ATP8A2: variants seen among roughly 807,000 people sequenced by gnomAD.
ATP8A2 encodes phospholipid-transporting ATPase IB.
A neutral mutation model predicts 165.6 loss-of-function variants in ATP8A2; 100 were observed. The ratio of observed to expected loss-of-function variants is 0.60; its 90% CI spans 0.51 to 0.71. The LOEUF (loss-of-function observed/expected upper bound fraction) is 0.71. ATP8A2 is among the 30% of genes least tolerant of loss of function. The pLI, the probability that ATP8A2 is intolerant of heterozygous loss-of-function variation, is 0.00. For missense variants in ATP8A2, 1,227 were observed against 1,479.5 expected (o/e 0.83, Z 2.80); for synonymous variants, 543 against 548.8 (o/e 0.99, Z 0.15).
intron 1 of ATP8A2, among the ~76,000 whole-genome samples, chr13:25,399,693 C>T (rs1358719147): frequency 1.3e-4 from 20 of 151,558 alleles, no homozygotes; most frequent in Admixed American, 2.6e-4. Context: ...TGAGCCACCG[C>T]GCCCGGCCCG....
intron 30 of ATP8A2, among the ~76,000 whole-genome samples, chr13:25,857,794 C>T (rs968193684): frequency 1.3e-5 from 2 of 152,046 alleles, no homozygotes; most frequent in Non-Finnish European, 2.9e-5. Flanking sequence ...TGGTCTTGAA[C>T]TCCTGACCTC....
chr13:25,404,523 G>C (rs959963723), intron 1 of ATP8A2, among the ~76,000 whole-genome samples: 12 of 152,088 alleles, frequency 7.9e-5, no homozygotes, highest in African/African-American at 2.9e-4. Flanking sequence ...TTCAAGGAGA[G>C]GAATAAGTGG....
intron 30 of ATP8A2, among the ~76,000 whole-genome samples, chr13:25,840,559 TA>T (rs1951728097): frequency 6.6e-6 from 1 of 152,230 alleles, no homozygotes; most frequent in Non-Finnish European, 1.5e-5. Flanking sequence ...CGAGGGTTCA[TA>T]AGTCTTTAAA....
chr13:25,530,979 G>C (rs1477849814), intron 4 of ATP8A2, among the ~76,000 whole-genome samples: 1 of 151,810 alleles, frequency 6.6e-6, no homozygotes. Flanking sequence ...GTGTTGTCTA[G>C]GATGGCAGCA....
At chr13:25,722,612 TTTA>T (rs1250654106) in intron 25 of ATP8A2, among the ~76,000 whole-genome samples, 1 of 152,182 alleles carries the variant, frequency 6.6e-6, no homozygotes, top group African/African-American at 2.4e-5. Flanking sequence ...TGCTACAGAA[TTTA>T]TTATTAGTAA....
intron 28 of ATP8A2, among the ~76,000 whole-genome samples, chr13:25,834,927 A>T (rs1043287731): frequency 1.4e-4 from 21 of 152,256 alleles, no homozygotes; most frequent in Admixed American, 1.0e-3. Context: ...GATTGCAGGC[A>T]GGAGCTACAT....
chr13:25,769,413 C>G, intron 26 of ATP8A2, among the ~76,000 whole-genome samples, 184 bp downstream of exon 26: 1 of 152,234 alleles, frequency 6.6e-6, no homozygotes, highest in Non-Finnish European at 1.5e-5. Context: ...GTTTGGAGGC[C>G]CTGTCCTGCT....
At chr13:25,561,797 C>G (rs12385841) in intron 15 of ATP8A2, among the ~76,000 whole-genome samples, 59,418 of 152,016 alleles carry the variant, frequency 0.39, 12,772 homozygotes, top group Non-Finnish European at 0.5. Context: ...CCTCCAGACC[C>G]TAGTAACCAC....
Position 25,740,076 on chromosome 13 carries a change from G to A in ATP8A2, c.2385-28970G>A, listed in dbSNP as rs571653096. Among the ~76,000 whole-genome samples, 1,045 of 152,264 alleles carry A rather than the reference G, an allele frequency of 6.9e-3. 9 individuals carry two copies. Among genetic ancestry groups the A allele is most frequent in the Non-Finnish European group, 0.011 (721 of 68,022 alleles). On this transcript the variant is annotated intron_variant, in intron 25 of 36. Coordinates refer to ENST00000381655, the MANE Select transcript of ATP8A2 (RefSeq NM_016529.6). ...TGTAATCCCAGCACTTTGGGAGGCC[G>A]AGACGGGCGGATCACAAGGTCAGGA... is the stretch of plus-strand genomic sequence containing the variant.
At chr13:25,428,610 T>C (rs2138134809) in intron 1 of ATP8A2, among the ~76,000 whole-genome samples, 1 of 152,312 alleles carries the variant, frequency 6.6e-6, no homozygotes, top group Non-Finnish European at 1.5e-5. Context: ...AGGGCATGTC[T>C]GACCTAGGTG....
intron 35 of ATP8A2, among the ~76,000 whole-genome samples, chr13:26,001,058 A>G (rs544269976): frequency 6.6e-6 from 1 of 152,224 alleles, no homozygotes; most frequent in Non-Finnish European, 1.5e-5. Context: ...CCTGCCCTAC[A>G]GCCCCTGGCA....
intron 2 of ATP8A2, among the ~76,000 whole-genome samples, chr13:25,488,535 G>A (rs1227771622): frequency 1.3e-5 from 2 of 152,162 alleles, no homozygotes; most frequent in African/African-American, 2.4e-5. Flanking sequence ...GAGCTCAGGA[G>A]TTTGAGACCA....
chr13:25,599,889 A>G (rs2040337414), intron 24 of ATP8A2, among the ~76,000 whole-genome samples: 1 of 152,204 alleles, frequency 6.6e-6, no homozygotes, highest in Admixed American at 6.5e-5. Context: ...AAAAGAAATA[A>G]TTAATGCCAG....
chr13:25,448,849 G>A (rs1218839344), intron 1 of ATP8A2, among the ~76,000 whole-genome samples: 2 of 152,010 alleles, frequency 1.3e-5, no homozygotes, highest in Admixed American at 6.6e-5. Context: ...ATTTTTAGTA[G>A]AGAAGGGATT....
intron 2 of ATP8A2, among the ~76,000 whole-genome samples, chr13:25,517,952 A>G (rs559533379): frequency 6.6e-6 from 1 of 152,202 alleles, no homozygotes; most frequent in Non-Finnish European, 1.5e-5. Flanking sequence ...CCAGAATACA[A>G]TTTGGGAGGG....
intron 34 of ATP8A2, among the ~76,000 whole-genome samples, chr13:25,966,208 G>A (rs183966542): frequency 2.4e-4 from 36 of 152,120 alleles, no homozygotes; most frequent in African/African-American, 7.9e-4. Context: ...CCAGCCTCTC[G>A]ATGTGGGGTT....
At chr13:25,812,807 C>T (rs1470638052) in intron 27 of ATP8A2, among the ~76,000 whole-genome samples, 1 of 152,018 alleles carries the variant, frequency 6.6e-6, no homozygotes, top group African/African-American at 2.4e-5. Flanking sequence ...TCTATTCACA[C>T]TAGCAAAGAC....
chr13:25,871,521 G>A lies in ATP8A2; in HGVS notation c.3183+9113G>A, dbSNP rs180956603. On this transcript the variant is annotated intron_variant, in intron 33 of 36. Transcript: ENST00000381655. ...CGGTTATGCAAGAAAACATGACCAC[G>A]GTAGGTTAGAGAAGAGAGAAAAGAG... Among the ~76,000 whole-genome samples the A allele has an allele frequency of 3.0e-4, 45 of 152,270 alleles. 2 individuals carry two copies. Among genetic ancestry groups the A allele is most frequent in the Admixed American group, 2.5e-3 (38 of 15,304 alleles).
chr13:25,542,001 G>A lies in ATP8A2; in HGVS notation c.734G>A (p.Arg245His), dbSNP rs2038494178. ...SGTIECEGPNRHLYDFTGNLN... is the reference protein window; with the variant it reads ...SGTIECEGPNHHLYDFTGNLN... ...ACTATAGAGTGTGAAGGGCCCAACC[G>A]CCACCTCTATGACTTCACTGGAAAC... The change falls in exon 9 of 37, where the codon CGC becomes CAC. Residue 245 changes from arginine (R) to histidine (H), a missense_variant. Transcript: ENST00000381655. The A allele has an allele frequency of 3.1e-6, 5 of 1,613,840 alleles. No individual in the cohort carries two copies. The highest frequency in any genetic ancestry group is 3.4e-6 in the Non-Finnish European group (4 of 1,179,892).
Sources: gnomAD v4.1 joint callset for allele counts (sites outside exome capture counted in the v4.1 genomes callset) on GRCh38, gnomAD v4.1.1 for gene constraint, MANE v1.5 for transcripts, NCBI Gene and HGNC (gene_info 2026-07-23, HGNC 2026-07-21) for gene names.